Variants in SPATA7 observed in about 807,000 individuals in gnomAD.
SPATA7 encodes the protein spermatogenesis associated 7, also known as spermatogenesis-associated protein 7.
In SPATA7, 43 loss-of-function variants were observed where a neutral mutation model predicts 51.8. The observed-to-expected ratio is 0.83, with a 90% CI of 0.65 to 1.07. SPATA7 has a LOEUF of 1.07. SPATA7 is among the 50% of genes least tolerant of loss of function. The pLI, the probability that SPATA7 is intolerant of heterozygous loss-of-function variation, is 0.00. For synonymous variants in SPATA7, 230 were observed against 252.8 expected (o/e 0.91, Z 0.86); for missense variants, 683 against 701.3 (o/e 0.97, Z 0.30).
rs2077124089 is a variant in SPATA7 at position 88,437,586 on chromosome 14, C to T, written c.1204C>T (p.His402Tyr). The part of the protein sequence containing the change: ...LFERHIKQNK[H>Y]LEEEKMRHLL... ...CGAGCGACATATAAAACAAAATAAA[C>T]ATTTGGAGGAGGTTTGTCTTTCCTT... Residue 402 changes from histidine (H) to tyrosine (Y), a missense_variant, in exon 11 of 12, where the codon CAT (histidine) becomes TAT (tyrosine). Physicochemically the swap from His to Tyr is moderately conservative, Grantham distance 83. Transcript: ENST00000393545. The T allele has an allele frequency of 6.2e-7, 1 of 1,608,928 alleles. No homozygotes were observed. Among genetic ancestry groups the T allele is most frequent in the African/African-American group, 1.3e-5 (1 of 74,940 alleles).
intron 4 of SPATA7, among the ~76,000 whole-genome samples, chr14:88,399,247 A>G (rs897942974): frequency 3.3e-5 from 5 of 152,018 alleles, no homozygotes; most frequent in African/African-American, 1.2e-4. Context: ...GAAAGTAACT[A>G]CCAGCTATAG....
chr14:88,411,715 C>T (rs1408499453), intron 4 of SPATA7, among the ~76,000 whole-genome samples: 1 of 152,076 alleles, frequency 6.6e-6, no homozygotes, highest in Non-Finnish European at 1.5e-5. Context: ...TACAGTATTT[C>T]ATCCTGTATA....
At chr14:88,440,570 C>T (rs1220271055), downstream of SPATA7, among the ~76,000 whole-genome samples, 2 of 152,076 alleles carry the variant, frequency 1.3e-5, no homozygotes, top group Admixed American at 1.3e-4. Flanking sequence ...CATCAAGCAA[C>T]ATCTTTATAT....
Position 88,437,525 on chromosome 14 carries a change from T to G in SPATA7, c.1161-18T>G. The G allele has an allele frequency of 6.3e-7, 1 of 1,584,166 alleles. No homozygotes were observed. Among genetic ancestry groups the G allele is most frequent in the South Asian group, 1.1e-5 (1 of 89,566 alleles). On this transcript the variant is annotated intron_variant, in intron 10 of 11. Transcript: ENST00000393545. ...TTTCTGATTTTGAGACATTAACATT[T>G]TTGTTTATCATTTGTAGGTTTTTAG...
chr14:88,405,168 T>C (rs2076169810), intron 4 of SPATA7, among the ~76,000 whole-genome samples: 1 of 152,146 alleles, frequency 6.6e-6, no homozygotes, highest in South Asian at 2.1e-4. Context: ...GGTGTCATGA[T>C]TGGTGTTTTC....
downstream of SPATA7, chr14:88,438,535 A>T (rs2077154570): frequency 1.1e-6 from 1 of 900,916 alleles, no homozygotes. Context: ...ATAATAAGTT[A>T]CCAGAAACCT....
At chr14:88,433,340 T>G (rs950587807) in intron 10 of SPATA7, 128 bp downstream of exon 10, 5 of 672,278 alleles carry the variant, frequency 7.4e-6, no homozygotes, top group Non-Finnish European at 1.3e-5. Flanking sequence ...ATTGCTTTCT[T>G]GGAAACTTAT....
At chr14:88,411,567 C>G (rs1196352981) in intron 4 of SPATA7, among the ~76,000 whole-genome samples, 1 of 151,012 alleles carries the variant, frequency 6.6e-6, no homozygotes, top group Non-Finnish European at 1.5e-5. Flanking sequence ...GTATCTGGGC[C>G]AGAGTGCACA....
intron 3 of SPATA7, among the ~76,000 whole-genome samples, chr14:88,443,841 G>C (rs1173513790): frequency 1.3e-5 from 2 of 152,062 alleles, no homozygotes; most frequent in African/African-American, 4.8e-5. Context: ...GCATAGTATT[G>C]CATGGTGTGT....
At chr14:88,387,951 A>G (rs2075627790) in intron 1 of SPATA7, among the ~76,000 whole-genome samples, 1 of 152,182 alleles carries the variant, frequency 6.6e-6, no homozygotes. Context: ...ATTTTTTCCC[A>G]GCACTCTGGG....
intron 5 of SPATA7, among the ~76,000 whole-genome samples, chr14:88,423,882 C>T (rs8011516): frequency 9.9e-5 from 15 of 151,948 alleles, no homozygotes; most frequent in African/African-American, 1.7e-4. Context: ...TTTAAAAATC[C>T]GACAATTGGA....
At chr14:88,401,825 A>G (rs1044377016) in intron 4 of SPATA7, among the ~76,000 whole-genome samples, 2 of 144,384 alleles carry the variant, frequency 1.4e-5, no homozygotes, top group African/African-American at 5.2e-5. Context: ...CAGCAGAGAA[A>G]GACCCTGTCT....
intron 4 of SPATA7, chr14:88,416,450 C>A (rs1481364317): frequency 5.9e-6 from 1 of 170,528 alleles, no homozygotes; most frequent in Non-Finnish European, 1.1e-5. Context: ...ACAAATCTCA[C>A]TATATTGTTT....
intron 5 of SPATA7, among the ~76,000 whole-genome samples, chr14:88,419,786 A>G (rs540773924): frequency 2.6e-5 from 4 of 152,102 alleles, no homozygotes; most frequent in South Asian, 2.1e-4. Context: ...CGGCCTCCCA[A>G]AGTGCTGTGA....
intron 4 of SPATA7, among the ~76,000 whole-genome samples, chr14:88,414,512 G>A (rs2076423199): frequency 6.6e-6 from 1 of 151,866 alleles, no homozygotes. Context: ...CCAACTTTTT[G>A]TTTCATTGAA....
At chr14:88,434,702 AG>A in intron 10 of SPATA7, among the ~76,000 whole-genome samples, 1 of 151,546 alleles carries the variant, frequency 6.6e-6, no homozygotes, top group Admixed American at 6.6e-5. Flanking sequence ...AAAAAAAAAA[AG>A]AAAAAGAAAA....
At chr14:88,446,542 CT>C (rs1197676367) in intron 3 of SPATA7, among the ~76,000 whole-genome samples, 11 of 150,876 alleles carry the variant, frequency 7.3e-5, no homozygotes, top group Non-Finnish European at 1.5e-4. Context: ...AATGTGTTTG[CT>C]CTTGCTTTTC....
At chr14:88,447,139 C>A (rs1329449774) in intron 3 of SPATA7, among the ~76,000 whole-genome samples, 3 of 149,500 alleles carry the variant, frequency 2.0e-5, no homozygotes, top group Non-Finnish European at 4.5e-5. Flanking sequence ...GTAGGTCACT[C>A]AGGACTTGCT....
intron 4 of SPATA7, among the ~76,000 whole-genome samples, chr14:88,397,662 AAAAG>A (rs1009124355): frequency 3.9e-5 from 6 of 152,020 alleles, no homozygotes; most frequent in East Asian, 3.9e-4. Flanking sequence ...AAAAAAAGGA[AAAAG>A]AAAACCCATA....
Sources: gnomAD v4.1 joint callset for allele counts (sites outside exome capture counted in the v4.1 genomes callset) on GRCh38, gnomAD v4.1.1 for gene constraint, MANE v1.5 for transcripts, NCBI Gene and HGNC (gene_info 2026-07-23, HGNC 2026-07-21) for gene names.